Variants in XYLT1 observed in about 807,000 individuals in gnomAD.
The protein encoded by XYLT1 is beta-D-xylosyltransferase 1.
Under a neutral mutation model 91.3 loss-of-function variants are expected in XYLT1, and 36 were observed. That is an observed-to-expected ratio of 0.39 (90% CI 0.30 to 0.52). The LOEUF (loss-of-function observed/expected upper bound fraction) is 0.52. Ranked by LOEUF, XYLT1 falls within the 20% of genes least tolerant of loss-of-function variation. The pLI is 0.68. For missense variants in XYLT1, 1,242 were observed against 1,284.5 expected (o/e 0.97, Z 0.51); for synonymous variants, 588 against 532.0 (o/e 1.11, Z -1.45).
chr16:17,159,930 C>T (rs1490659983), intron 5 of XYLT1, among the ~76,000 whole-genome samples: 1 of 152,232 alleles, frequency 6.6e-6, no homozygotes, highest in Admixed American at 6.5e-5. Flanking sequence ...GCTCCTTTAT[C>T]ACCAGCCTTC....
chr16:17,206,304 T>C (rs1597191232), intron 3 of XYLT1, among the ~76,000 whole-genome samples: 1 of 152,118 alleles, frequency 6.6e-6, no homozygotes, highest in Non-Finnish European at 1.5e-5. Flanking sequence ...GGGAGATGCC[T>C]TTATCCTAGT....
At chr16:17,157,209 A>G (rs574017603) in intron 6 of XYLT1, among the ~76,000 whole-genome samples, 5 of 152,100 alleles carry the variant, frequency 3.3e-5, no homozygotes, top group African/African-American at 1.2e-4. Flanking sequence ...CACCCTCCCA[A>G]AGTTCTGGGA....
At chr16:17,192,239 C>T (rs1260735152) in intron 5 of XYLT1, among the ~76,000 whole-genome samples, 3 of 151,906 alleles carry the variant, frequency 2.0e-5, no homozygotes, top group African/African-American at 7.3e-5. Flanking sequence ...GCTGGGATTA[C>T]AGGCGCCCGC....
At chr16:17,426,601 C>G (rs2036321854) in intron 1 of XYLT1, among the ~76,000 whole-genome samples, 1 of 152,166 alleles carries the variant, frequency 6.6e-6, no homozygotes, top group South Asian at 2.1e-4. Context: ...CAGAGATTAG[C>G]AAACTTTGAC....
chr16:17,219,229 T>C (rs1382732269), intron 3 of XYLT1, among the ~76,000 whole-genome samples: 3 of 134,998 alleles, frequency 2.2e-5, no homozygotes, highest in Admixed American at 1.8e-4. Flanking sequence ...TGCAGTGTGC[T>C]GAGGTCGTGC....
intron 1 of XYLT1, among the ~76,000 whole-genome samples, chr16:17,460,765 C>T (rs1223189284): frequency 1.3e-5 from 2 of 152,226 alleles, no homozygotes; most frequent in East Asian, 1.9e-4. Flanking sequence ...AAAATCTACG[C>T]TGTCTCACGG....
intron 5 of XYLT1, among the ~76,000 whole-genome samples, chr16:17,181,155 G>C (rs1489886516): frequency 6.6e-6 from 1 of 152,212 alleles, no homozygotes; most frequent in Non-Finnish European, 1.5e-5. Flanking sequence ...CATTGGGGTA[G>C]AGAAGGCCAG....
intron 1 of XYLT1, among the ~76,000 whole-genome samples, chr16:17,417,217 C>A (rs981550904): frequency 6.6e-6 from 1 of 152,188 alleles, no homozygotes; most frequent in East Asian, 1.9e-4. Flanking sequence ...TCTACTGACT[C>A]TCTTAATTTA....
At chr16:17,211,293 G>A (rs2032751974) in intron 3 of XYLT1, among the ~76,000 whole-genome samples, 1 of 152,092 alleles carries the variant, frequency 6.6e-6, no homozygotes, top group African/African-American at 2.4e-5. Flanking sequence ...CAAAGGGCAG[G>A]GGGATACTCA....
rs1039217372 is a variant in XYLT1 at position 17,397,817 on chromosome 16, T to C, written c.364-39767A>G. ...CGATTTTACTAGGGCACTCCATAGT[T>C]TGAATAGCTCTTTTTTTTTTTTTTT... On this transcript the variant is annotated intron_variant, in intron 1 of 11. Transcript: ENST00000261381. Among the ~76,000 whole-genome samples, 6 of 150,110 alleles carry C rather than the reference T, an allele frequency of 4.0e-5. No homozygotes were observed. The East Asian group carries it at 1.2e-3, about 29-fold the overall frequency.
intron 3 of XYLT1, among the ~76,000 whole-genome samples, chr16:17,248,754 T>C (rs1304104051): frequency 6.7e-6 from 1 of 149,990 alleles, no homozygotes; most frequent in African/African-American, 2.5e-5. Flanking sequence ...AATTTTTTTT[T>C]TTTTTTTTTT....
chr16:17,425,698 C>T (rs1384138836), intron 1 of XYLT1, among the ~76,000 whole-genome samples: 3 of 152,272 alleles, frequency 2.0e-5, no homozygotes, highest in East Asian at 1.9e-4. Context: ...TTATTTATTC[C>T]ACCCTGAATG....
At chr16:17,273,275 C>G (rs1340332203) in intron 2 of XYLT1, among the ~76,000 whole-genome samples, 1 of 152,174 alleles carries the variant, frequency 6.6e-6, no homozygotes, top group African/African-American at 2.4e-5. Flanking sequence ...ATTACATCAT[C>G]AAAGGCCACA....
chr16:17,228,578 CGAGGCTTGTGATTGGAG>C (rs971431766), intron 3 of XYLT1, among the ~76,000 whole-genome samples: 16 of 152,122 alleles, frequency 1.1e-4, no homozygotes, highest in East Asian at 5.8e-4. Flanking sequence ...TCCTCATCAG[CGAGGCTTGTGATTGGAG>C]GAGGCTTGTG....
At position 17,470,304 on chromosome 16, in the gene XYLT1, G is replaced by C. The variant is rs2036967568; in HGVS notation, c.363+130C>G. 2.1e-5 allele frequency: 24 copies of C among 1,124,312 alleles called. No individual in the cohort carries two copies. The South Asian group carries it at 8.3e-4, about 39-fold the overall frequency. 69.6% of individuals were successfully genotyped at this position (1,124,312 alleles called of 1,614,324 possible). ...GACCCCACCCGGCTTCCCGGGGCAA[G>C]AGGCGATGTGGAGTCGGTAGGCTTG... On this transcript the variant is annotated intron_variant, in intron 1 of 11. Coordinates refer to ENST00000261381, the MANE Select transcript of XYLT1 (RefSeq NM_022166.4).
In XYLT1 at chr16:17,203,734, C is replaced by T. The variant is rs911314295; in HGVS notation, c.914-3080G>A. Among the ~76,000 whole-genome samples the T allele has an allele frequency of 2.6e-5, 4 of 152,212 alleles. No homozygotes were observed. The South Asian group carries it at 8.3e-4, about 31-fold the overall frequency. ...CATCTGTCCACTCATCCATATCTAA[C>T]CATTCATCCATCCAAGCATACAGCA... is the stretch of plus-strand genomic sequence containing the variant. On this transcript the variant is annotated intron_variant, in intron 3 of 11. Coordinates refer to ENST00000261381, the MANE Select transcript of XYLT1 (RefSeq NM_022166.4).
In XYLT1 at chr16:17,352,769, C is replaced by T. The variant is rs989210859; in HGVS notation, c.402+5243G>A. 1.2e-4 allele frequency among the ~76,000 whole-genome samples: 19 copies of T among 152,256 alleles called. No individual in the cohort carries two copies. In the East Asian group the frequency reaches 1.9e-3, roughly 15 times the overall value. On this transcript the variant is annotated intron_variant, in intron 2 of 11. Transcript: ENST00000261381. Reference sequence around the variant, plus strand: ...ATCCACTTATTACTATCTGAAGTTACGGATGCATTTATTAATATCTATTTG... The same window carrying T: ...ATCCACTTATTACTATCTGAAGTTATGGATGCATTTATTAATATCTATTTG...
At chr16:17,415,247 C>T (rs2036165895) in intron 1 of XYLT1, among the ~76,000 whole-genome samples, 1 of 152,204 alleles carries the variant, frequency 6.6e-6, no homozygotes, top group Non-Finnish European at 1.5e-5. Context: ...ATCCCCTCCC[C>T]TCCACTGCAA....
intron 1 of XYLT1, among the ~76,000 whole-genome samples, chr16:17,447,819 A>G (rs971104192): frequency 2.0e-5 from 3 of 152,234 alleles, no homozygotes; most frequent in African/African-American, 7.2e-5. Context: ...ATGGGAGAAT[A>G]TGAGTACTAC....
Sources: allele counts gnomAD v4.1 joint callset (sites outside exome capture counted in the v4.1 genomes callset), GRCh38; gene constraint gnomAD v4.1.1; transcripts MANE v1.5; gene names NCBI Gene and HGNC (gene_info 2026-07-23, HGNC 2026-07-21).